Variants in DAGLA observed in about 807,000 individuals in gnomAD.
DAGLA encodes diacylglycerol lipase-alpha.
Under a neutral mutation model 102.6 loss-of-function variants are expected in DAGLA, and 22 were observed. The ratio of observed to expected loss-of-function variants is 0.21; its 90% CI spans 0.15 to 0.31. DAGLA has a LOEUF of 0.31. Among genes scored for constraint, DAGLA ranks in the 10% least tolerant of loss-of-function variants. The probability of loss-of-function intolerance (pLI) is 1.00; values close to 1 mark genes in which losing one functional copy is unlikely to be tolerated. For missense variants in DAGLA, 927 were observed against 1,446.6 expected, an observed-to-expected ratio of 0.64 and a Z score of 5.83; for synonymous variants, 578 against 628.9, an observed-to-expected ratio of 0.92 and a Z score of 1.21.
At chr11:61,700,920 A>C (rs2065105548) in intron 1 of DAGLA, among the ~76,000 whole-genome samples, 1 of 152,230 alleles carries the variant, frequency 6.6e-6, no homozygotes, top group Non-Finnish European at 1.5e-5. Context: ...CGGGCCAGGC[A>C]CTTGGCCACC....
intron 1 of DAGLA, among the ~76,000 whole-genome samples, chr11:61,697,728 TGGAG>T (rs1460997714): frequency 6.6e-6 from 1 of 152,164 alleles, no homozygotes; most frequent in Non-Finnish European, 1.5e-5. Context: ...TCACCCAGCC[TGGAG>T]TGCCGTGGTA....
In DAGLA at chr11:61,744,215, C is replaced by A. The variant is rs1591057945; in HGVS notation, c.2855C>A (p.Ser952Tyr). ...AGTGACTACGCTGAGGGCCCCAAGTCCCCCAGCCAGCAAGAGATCCTGCTC... is the reference window on the plus strand; with the variant it reads ...AGTGACTACGCTGAGGGCCCCAAGTACCCCAGCCAGCAAGAGATCCTGCTC... ...PTSDYAEGPKSPSQQEILLRA... is the reference protein window; with the variant it reads ...PTSDYAEGPKYPSQQEILLRA... The change falls in exon 20 of 20, where the codon TCC (serine) becomes TAC (tyrosine). Residue 952 changes from serine to tyrosine, a missense_variant. By Grantham distance (144) the Ser-to-Tyr change is moderately radical. Coordinates refer to ENST00000257215, the MANE Select transcript of DAGLA (RefSeq NM_006133.3). 2.5e-6 allele frequency: 4 copies of A among 1,613,020 alleles called. No homozygotes were observed. The East Asian group carries it at 8.9e-5, about 36-fold the overall frequency.
intron 1 of DAGLA, among the ~76,000 whole-genome samples, chr11:61,694,055 G>A: frequency 6.6e-6 from 1 of 152,238 alleles, no homozygotes; most frequent in East Asian, 1.9e-4. Flanking sequence ...GGAGAGTAAT[G>A]GCTGCATGAA....
chr11:61,707,808 G>T (rs1327558400), intron 1 of DAGLA, among the ~76,000 whole-genome samples: 1 of 152,118 alleles, frequency 6.6e-6, no homozygotes. Flanking sequence ...GGGAGTGGGC[G>T]TGCCCGGCCG....
rs1167770172 is a variant in DAGLA at position 61,734,802 on chromosome 11, C to A, written c.975-47C>A. 1 of 1,566,632 alleles carries A rather than the reference C, an allele frequency of 6.4e-7. No individual in the cohort carries two copies. Among genetic ancestry groups the A allele is most frequent in the Admixed American group, 1.7e-5 (1 of 58,558 alleles). ...GGGACAGTGGCAGGAGACATTTGTT[C>A]CCTCGGGGACTCCCTGGCCCTGAAC... On this transcript the variant is annotated intron_variant, in intron 9 of 19. Coordinates refer to ENST00000257215, the MANE Select transcript of DAGLA (RefSeq NM_006133.3). The surrounding 1 kb of genome is among the most constrained non-coding windows in gnomAD (Gnocchi z 4.2).
At position 61,689,337 on chromosome 11, in the gene DAGLA, G is replaced by A. The variant is rs1350739005; in HGVS notation, c.-45+8833G>A. ...TAGCACCTGCCCACTTCACCCACTC[G>A]AGTCTGCCTGGTCTCCAAGATTATC... On this transcript the variant is annotated intron_variant, in intron 1 of 19. Coordinates refer to ENST00000257215, the MANE Select transcript of DAGLA (RefSeq NM_006133.3). Among the ~76,000 whole-genome samples the A allele has an allele frequency of 2.6e-5, 4 of 152,180 alleles. No individual in the cohort carries two copies. The East Asian group carries it at 7.7e-4, about 29-fold the overall frequency.
chr11:61,695,079 C>A (rs559096228), intron 1 of DAGLA, among the ~76,000 whole-genome samples: 1 of 152,280 alleles, frequency 6.6e-6, no homozygotes, highest in African/African-American at 2.4e-5. Flanking sequence ...CCCAGGGAGC[C>A]TGCAGAAACT....
Position 61,743,312 on chromosome 11 carries a change from A to G in DAGLA, c.2172-220A>G, listed in dbSNP as rs964932708. 8.6e-5 allele frequency among the ~76,000 whole-genome samples: 13 copies of G among 151,644 alleles called. No individual in the cohort carries two copies. In the South Asian group the frequency reaches 1.3e-3, roughly 15 times the overall value. ...CCCAGGGCGGAGCTTGCAGTGAGCCAAGATCGTGCCACTGCACTCCAGCCT... is the reference window on the plus strand; with the variant it reads ...CCCAGGGCGGAGCTTGCAGTGAGCCGAGATCGTGCCACTGCACTCCAGCCT... On this transcript the variant is annotated intron_variant, in intron 19 of 19. Coordinates refer to ENST00000257215, the MANE Select transcript of DAGLA (RefSeq NM_006133.3).
intron 1 of DAGLA, among the ~76,000 whole-genome samples, chr11:61,681,438 G>T (rs1351221266): frequency 6.6e-6 from 1 of 152,178 alleles, no homozygotes; most frequent in Non-Finnish European, 1.5e-5. Context: ...ATGATTTTCA[G>T]TGGTGATCGG....
intron 5 of DAGLA, among the ~76,000 whole-genome samples, chr11:61,723,971 T>A (rs926156702): frequency 6.6e-6 from 1 of 152,098 alleles, no homozygotes; most frequent in African/African-American, 2.4e-5. Flanking sequence ...TTCCCCATAA[T>A]ATGGGTGGAG....
At chr11:61,743,362 CAAAAAAAAAAA>C (rs374336921) in intron 19 of DAGLA, among the ~76,000 whole-genome samples, 159 bp from the exon 20 acceptor site, 1 of 51,964 alleles carries the variant, frequency 1.9e-5, no homozygotes, top group East Asian at 6.3e-4. Context: ...GACTCTGTCT[CAAAAAAAAAAA>C]AAAAAAAAGA....
intron 1 of DAGLA, among the ~76,000 whole-genome samples, chr11:61,718,533 G>A (rs550522343): frequency 1.5e-3 from 227 of 152,044 alleles, no homozygotes; most frequent in African/African-American, 4.9e-3. Flanking sequence ...TCTGAAGCTG[G>A]TGCTGTCAGC....
chr11:61,691,007 G>A (rs1565245986), intron 1 of DAGLA, among the ~76,000 whole-genome samples: 1 of 148,780 alleles, frequency 6.7e-6, no homozygotes, highest in Non-Finnish European at 1.5e-5. Context: ...CACCCCACAC[G>A]CCCCTGCCAG....
At chr11:61,730,419 C>T (rs765806305) in intron 8 of DAGLA, among the ~76,000 whole-genome samples, 3 of 152,198 alleles carry the variant, frequency 2.0e-5, no homozygotes, top group Non-Finnish European at 2.9e-5. Context: ...TCTCCACTCT[C>T]GTTCCTGAAG....
At chr11:61,739,416 C>G (rs764810175) in intron 16 of DAGLA, 49 bp from the exon 17 acceptor site, 4 of 1,565,226 alleles carry the variant, frequency 2.6e-6, no homozygotes, top group African/African-American at 2.7e-5. Flanking sequence ...TGCCCCCCAG[C>G]CAGTGCTACT....
At chr11:61,708,081 C>T (rs1019029636) in intron 1 of DAGLA, among the ~76,000 whole-genome samples, 2 of 152,140 alleles carry the variant, frequency 1.3e-5, no homozygotes, top group East Asian at 3.8e-4. Context: ...AGTCTCGGCT[C>T]ATTGCAACCT....
chr11:61,689,653 T>C (rs559657421), intron 1 of DAGLA, among the ~76,000 whole-genome samples: 1 of 103,554 alleles, frequency 9.7e-6, no homozygotes, highest in East Asian at 2.8e-4. Flanking sequence ...TACAGGTGCC[T>C]GCCACCACGC....
intron 19 of DAGLA, among the ~76,000 whole-genome samples, chr11:61,742,815 C>T (rs2135613582): frequency 6.6e-6 from 1 of 150,660 alleles, no homozygotes; most frequent in South Asian, 2.1e-4. Context: ...TCCTTCCCTC[C>T]CTCTGTCTCT....
Position 61,741,230 on chromosome 11 carries a change from C to A in DAGLA, c.2052C>A (p.Thr684=), listed in dbSNP as rs373949198. Residue 684 remains threonine, a synonymous_variant, in exon 19 of 20, where the codon ACC becomes ACA. Coordinates refer to ENST00000257215, the MANE Select transcript of DAGLA (RefSeq NM_006133.3). Reference sequence around the variant, plus strand: ...CAGCCAAGGTCATGGTGAGCCCTACCGAGGTGGACCTGACTCCTGAGCTCA... The same window carrying A: ...CAGCCAAGGTCATGGTGAGCCCTACAGAGGTGGACCTGACTCCTGAGCTCA... ...LSAAKVMVSP[T]EVDLTPELIF... The A allele has an allele frequency of 5.3e-5, 86 of 1,613,390 alleles. No homozygotes were observed. The highest frequency in any genetic ancestry group is 6.9e-5 in the Non-Finnish European group (82 of 1,180,008).
Sources: allele counts gnomAD v4.1 joint callset (sites outside exome capture counted in the v4.1 genomes callset), GRCh38; gene constraint gnomAD v4.1.1; non-coding constraint Gnocchi (gnomAD v3.1); transcripts MANE v1.5; gene names NCBI Gene and HGNC (gene_info 2026-07-23, HGNC 2026-07-21).